Variants in C12orf42 observed in about 807,000 individuals in gnomAD.
C12orf42 encodes the protein chromosome 12 open reading frame 42, also known as uncharacterized protein C12orf42.
In C12orf42, 25 loss-of-function variants were observed where a neutral mutation model predicts 21.6. The ratio of observed to expected loss-of-function variants is 1.16; its 90% CI spans 0.84 to 1.62. The LOEUF (loss-of-function observed/expected upper bound fraction) is 1.62. C12orf42 is among the 40% of genes most tolerant of loss of function. The pLI, the probability that C12orf42 is intolerant of heterozygous loss-of-function variation, is 0.00. For synonymous variants in C12orf42, 174 were observed against 175.0 expected, an observed-to-expected ratio of 0.99 and a Z score of 0.05; for missense variants, 483 against 459.3, an observed-to-expected ratio of 1.05 and a Z score of -0.47.
chr12:103,225,924 G>A, the C12orf42 span, among the ~76,000 whole-genome samples: 6 of 152,316 alleles, frequency 3.9e-5, 1 homozygote, highest in South Asian at 1.0e-3. Context: ...CTTCCTAGGC[G>A]ATCGGGCAGT....
At chr12:103,108,201 T>G in the C12orf42 span, among the ~76,000 whole-genome samples, 7 of 151,794 alleles carry the variant, frequency 4.6e-5, no homozygotes, top group Non-Finnish European at 1.0e-4. Flanking sequence ...TAAAAAAGAA[T>G]AGGCCACTAT....
At chr12:103,560,416 C>T in the C12orf42 span, among the ~76,000 whole-genome samples, 1 of 9,964 alleles carries the variant, frequency 1.0e-4, no homozygotes, top group South Asian at 1.3e-3. Context: ...CTTGGCAAGA[C>T]TCAGTGTCTT....
chr12:103,328,883 A>G (rs1019625518), intron 4 of C12orf42, among the ~76,000 whole-genome samples: 4 of 152,236 alleles, frequency 2.6e-5, no homozygotes, highest in African/African-American at 9.6e-5. Flanking sequence ...GTATTCTTGA[A>G]CATTTCTGAA....
At chr12:103,195,709 C>A in the C12orf42 span, among the ~76,000 whole-genome samples, 3,135 of 152,062 alleles carry the variant, frequency 0.021, 112 homozygotes, top group African/African-American at 0.069. Context: ...GTATGGTTTG[C>A]AAATATTTTT....
At chr12:103,206,134 G>A in the C12orf42 span, among the ~76,000 whole-genome samples, 3 of 152,306 alleles carry the variant, frequency 2.0e-5, no homozygotes, top group African/African-American at 7.2e-5. Context: ...CTAGTGATTG[G>A]CTGATGTGGG....
chr12:103,277,328 A>G lies in C12orf42; in HGVS notation n.338-118T>C, dbSNP rs2035830317. On this transcript the variant is annotated intron_variant and non_coding_transcript_variant, in intron 4 of 6. Transcript: ENST00000546526. ...TAATACTATTTAATGAAAAGTAACTATATTTTCCAAAAAAATTAAACAGAA... is the reference window on the plus strand; with the variant it reads ...TAATACTATTTAATGAAAAGTAACTGTATTTTCCAAAAAAATTAAACAGAA... The G allele has an allele frequency of 8.9e-5, 23 of 258,990 alleles. No homozygotes were observed. The South Asian group carries it at 9.3e-4, about 10-fold the overall frequency. The allele number at this position is 258,990 out of a possible 1,614,324, so 16.0% of individuals were successfully genotyped here. A position where few individuals can be genotyped will look rare whatever the true frequency, so the allele number is the denominator to read the frequency against.
chr12:103,440,287 T>C lies in C12orf42; in HGVS notation c.78+38062A>G, dbSNP rs12300987. ...GTCGGGGGAGGGGGGAGGGATAGCA[T>C]TGGGAGATATACCTAATGCTAGATG... On this transcript the variant is annotated intron_variant, in intron 2 of 5. Coordinates refer to ENST00000548883, the MANE Select transcript of C12orf42 (RefSeq NM_198521.5). 6.0e-3 allele frequency among the ~76,000 whole-genome samples: 773 copies of C among 129,596 alleles called. 9 individuals are homozygous for C. The highest frequency in any genetic ancestry group is 0.02 in the African/African-American group (695 of 35,050). 85.0% of individuals were successfully genotyped at this position (129,596 alleles called of 152,430 possible).
At chr12:103,310,705 A>G (rs1018898078) in intron 4 of C12orf42, among the ~76,000 whole-genome samples, 2 of 152,238 alleles carry the variant, frequency 1.3e-5, no homozygotes, top group African/African-American at 4.8e-5. Flanking sequence ...AGCACATTTT[A>G]GAACTCTAGA....
chr12:103,273,910 G>T (rs934911011), intron 5 of C12orf42: 2 of 456,194 alleles, frequency 4.4e-6, no homozygotes, highest in Non-Finnish European at 8.8e-6. Context: ...CAAGGAGGAC[G>T]AGCAGAAAAG....
chr12:103,324,337 A>G (rs1440419185), intron 4 of C12orf42, among the ~76,000 whole-genome samples: 2 of 152,174 alleles, frequency 1.3e-5, no homozygotes. Flanking sequence ...CTCTATTAAT[A>G]ATAAAATACA....
chr12:103,281,921 A>AAGAC (rs1368275494), intron 4 of C12orf42, among the ~76,000 whole-genome samples: 2 of 132,540 alleles, frequency 1.5e-5, no homozygotes, highest in Admixed American at 1.4e-4. Flanking sequence ...AAGAAAAAGA[A>AAGAC]AGAAAGAAAG....
intron 2 of C12orf42, among the ~76,000 whole-genome samples, chr12:103,448,285 A>G (rs765617197): frequency 1.3e-5 from 2 of 152,086 alleles, no homozygotes; most frequent in African/African-American, 2.4e-5. Context: ...CTTATACAAA[A>G]ATCAACTCAA....
the C12orf42 span, among the ~76,000 whole-genome samples, chr12:103,139,343 C>G: frequency 6.6e-6 from 1 of 152,112 alleles, no homozygotes; most frequent in Non-Finnish European, 1.5e-5. Flanking sequence ...AATTGAAAGA[C>G]TGACTTTTGA....
chr12:103,181,840 A>G, the C12orf42 span, among the ~76,000 whole-genome samples: 1 of 152,240 alleles, frequency 6.6e-6, no homozygotes, highest in African/African-American at 2.4e-5. Flanking sequence ...TCTCACAGGT[A>G]GGGAGAAAAG....
the C12orf42 span, among the ~76,000 whole-genome samples, chr12:103,113,795 A>C: frequency 1.4e-4 from 22 of 152,346 alleles, no homozygotes; most frequent in African/African-American, 5.1e-4. Context: ...TTTCCTAAAT[A>C]CTGTGGAATT....
At chr12:103,339,949 A>C (rs1266713568) in intron 4 of C12orf42, among the ~76,000 whole-genome samples, 1 of 152,250 alleles carries the variant, frequency 6.6e-6, no homozygotes, top group Non-Finnish European at 1.5e-5. Flanking sequence ...ACTTCTTAAC[A>C]GCTGCTACAA....
chr12:103,560,219 T>G, the C12orf42 span, among the ~76,000 whole-genome samples: 2 of 152,188 alleles, frequency 1.3e-5, no homozygotes, highest in African/African-American at 2.4e-5. Context: ...ACAAACAAAT[T>G]AGTGGCAGAG....
the C12orf42 span, among the ~76,000 whole-genome samples, chr12:103,094,805 C>T: frequency 0.013 from 1,968 of 151,964 alleles, 51 homozygotes; most frequent in African/African-American, 0.045. Context: ...GTCATGTGTC[C>T]GGTTGGATTG....
chr12:103,445,529 A>G (rs1951524741), intron 2 of C12orf42, among the ~76,000 whole-genome samples: 1 of 151,992 alleles, frequency 6.6e-6, no homozygotes, highest in Non-Finnish European at 1.5e-5. Context: ...GAGAACAAGT[A>G]TCTTCACTTG....
Sources: allele counts gnomAD v4.1 joint callset (sites outside exome capture counted in the v4.1 genomes callset), GRCh38; gene constraint gnomAD v4.1.1; transcripts MANE v1.5; gene names NCBI Gene and HGNC (gene_info 2026-07-23, HGNC 2026-07-21).